The following ACTR3B variants were observed in gnomAD, a reference collection of about 807,000 sequenced individuals.
ACTR3B encodes the protein actin-related protein 3B.
ACTR3B carries 8 observed loss-of-function variants against 59.0 expected under a neutral mutation model. That is an observed-to-expected ratio of 0.14 (90% CI 0.08 to 0.24). The LOEUF (loss-of-function observed/expected upper bound fraction) is 0.24, where lower values mean the gene tolerates loss of function less well. Among genes scored for constraint, ACTR3B ranks in the 10% least tolerant of loss-of-function variants. The pLI is 1.00. For missense variants in ACTR3B, 245 were observed against 552.3 expected (o/e 0.44, Z 5.58); for synonymous variants, 148 against 197.9 (o/e 0.75, Z 2.12).
chr7:152,763,002 T>C (rs1000768555), intron 1 of ACTR3B, among the ~76,000 whole-genome samples: 13 of 152,318 alleles, frequency 8.5e-5, no homozygotes, highest in Admixed American at 3.9e-4. Context: ...ACTGTTCAGT[T>C]ACTATTTTTC....
intron 2 of ACTR3B, among the ~76,000 whole-genome samples, chr7:152,799,139 A>G (rs183637028): frequency 7.4e-4 from 112 of 152,346 alleles, no homozygotes; most frequent in African/African-American, 2.5e-3. Flanking sequence ...ACATTTGTAT[A>G]GCTACAGAGT....
chr7:152,848,786 G>T (rs1798566413), intron 9 of ACTR3B, among the ~76,000 whole-genome samples: 3 of 152,198 alleles, frequency 2.0e-5, no homozygotes, highest in Admixed American at 2.0e-4. Context: ...TCTGAAGGAA[G>T]CCAGGGATCA....
chr7:152,828,801 C>T (rs553226126), intron 9 of ACTR3B, among the ~76,000 whole-genome samples: 88 of 151,924 alleles, frequency 5.8e-4, no homozygotes, highest in Admixed American at 1.0e-3. Context: ...TTCACTGGTT[C>T]CACAGCCTCA....
intron 9 of ACTR3B, among the ~76,000 whole-genome samples, chr7:152,834,569 G>T (rs1388564264): frequency 6.6e-6 from 1 of 152,198 alleles, no homozygotes; most frequent in East Asian, 1.9e-4. Context: ...ACAGCATTAT[G>T]TTGTGAGCCC....
chr7:152,830,091 G>C (rs1045889857), intron 9 of ACTR3B, among the ~76,000 whole-genome samples: 1 of 152,260 alleles, frequency 6.6e-6, no homozygotes, highest in African/African-American at 2.4e-5. Context: ...AGAAGGGACA[G>C]ATTGCATTTA....
intron 2 of ACTR3B, among the ~76,000 whole-genome samples, chr7:152,790,315 T>C (rs1347137089): frequency 6.6e-6 from 1 of 152,208 alleles, no homozygotes; most frequent in African/African-American, 2.4e-5. Context: ...GTTACTTTAA[T>C]ACATTTTCGA....
At chr7:152,784,017 G>A (rs151073170) in intron 2 of ACTR3B, among the ~76,000 whole-genome samples, 5,282 of 152,090 alleles carry the variant, frequency 0.035, 154 homozygotes, top group East Asian at 0.12. Context: ...TTGAAGCTGG[G>A]GGGTGGAGGT....
At chr7:152,780,343 ACT>A (rs976855573) in intron 1 of ACTR3B, among the ~76,000 whole-genome samples, 24 of 73,658 alleles carry the variant, frequency 3.3e-4, no homozygotes, top group Non-Finnish European at 5.5e-5. Flanking sequence ...AAAGAGCGAA[ACT>A]CTGTCTCAAA....
At chr7:152,830,720 A>G (rs1184076560) in intron 9 of ACTR3B, among the ~76,000 whole-genome samples, 1 of 151,934 alleles carries the variant, frequency 6.6e-6, no homozygotes, top group Non-Finnish European at 1.5e-5. Flanking sequence ...AGCTAATTAA[A>G]AATTTTTTTT....
intron 1 of ACTR3B, among the ~76,000 whole-genome samples, chr7:152,781,491 G>A (rs2098153915): frequency 6.6e-6 from 1 of 152,108 alleles, no homozygotes. Context: ...CCTGTTCTGG[G>A]CAGCGTGTGG....
At chr7:152,773,794 A>G (rs1014631669) in intron 1 of ACTR3B, among the ~76,000 whole-genome samples, 1 of 152,326 alleles carries the variant, frequency 6.6e-6, no homozygotes, top group South Asian at 2.1e-4. Context: ...TTTGCTTTAC[A>G]CATTCCAGAA....
chr7:152,770,956 G>A (rs915442583), intron 1 of ACTR3B, among the ~76,000 whole-genome samples: 2 of 150,026 alleles, frequency 1.3e-5, no homozygotes, highest in Non-Finnish European at 3.0e-5. Context: ...TAATTAGAAT[G>A]GAATTTTATT....
At chr7:152,815,851 G>A (rs962017638) in intron 5 of ACTR3B, among the ~76,000 whole-genome samples, 7 of 152,094 alleles carry the variant, frequency 4.6e-5, no homozygotes, top group African/African-American at 1.4e-4. Context: ...GCCCCACGCC[G>A]GAAACCAATG....
rs572506773 is a variant in ACTR3B at position 152,819,386 on chromosome 7, C to T, written c.541-913C>T. Reference sequence around the variant, plus strand: ...GCACAGAAGCTGTGATGTGCTGTAACGTGAAACCTGAGTGTCTTTACCGGA... The same window carrying T: ...GCACAGAAGCTGTGATGTGCTGTAATGTGAAACCTGAGTGTCTTTACCGGA... On this transcript the variant is annotated intron_variant, in intron 6 of 11. Transcript: ENST00000256001. Among the ~76,000 whole-genome samples, 7 of 152,350 alleles carry T rather than the reference C, an allele frequency of 4.6e-5. No homozygotes were observed. In the East Asian group the frequency reaches 9.6e-4, roughly 21 times the overall value.
chr7:152,759,802 G>T lies in ACTR3B; in HGVS notation c.-81G>T. 9.2e-7 allele frequency: 1 copy of T among 1,087,408 alleles called. No individual in the cohort carries two copies. The highest frequency in any genetic ancestry group is 1.1e-6 in the Non-Finnish European group (1 of 881,376). 67.4% of individuals were successfully genotyped at this position (1,087,408 alleles called of 1,614,324 possible). A position where few individuals can be genotyped will look rare whatever the true frequency, so the allele number is the denominator to read the frequency against. ...CGGCGGCTCGCGGGAGACGCTGCGCGCGGGGCTAGCGGGCGGCGGAGCGGA... is the reference window on the plus strand; with the variant it reads ...CGGCGGCTCGCGGGAGACGCTGCGCTCGGGGCTAGCGGGCGGCGGAGCGGA... On this transcript the variant is annotated 5_prime_UTR_variant, in exon 1 of 12. Coordinates refer to ENST00000256001, the MANE Select transcript of ACTR3B (RefSeq NM_020445.6).
rs552668144 is a variant in ACTR3B, at chr7:152,830,223, A to G, written c.951+5101A>G. On this transcript the variant is annotated intron_variant, in intron 9 of 11. Transcript: ENST00000256001. ...GAGGGAAGATAATGAGCGCAGATAG[A>G]AGGAGAGTGGGCAGATGCCTGCGGT... Among the ~76,000 whole-genome samples the G allele has an allele frequency of 2.2e-4, 34 of 152,252 alleles. 1 individual carries two copies. Among genetic ancestry groups the G allele is most frequent in the African/African-American group, 7.9e-4 (33 of 41,560 alleles).
At chr7:152,853,614 C>T (rs200291305) in intron 11 of ACTR3B, 37 bp downstream of exon 11, 4 of 1,578,544 alleles carry the variant, frequency 2.5e-6, no homozygotes, top group East Asian at 2.3e-5. Context: ...GTCTCCATTC[C>T]TGTGCTCTCG....
chr7:152,766,833 C>T (rs1410470250), intron 1 of ACTR3B, among the ~76,000 whole-genome samples: 1 of 152,014 alleles, frequency 6.6e-6, no homozygotes, highest in Non-Finnish European at 1.5e-5. Flanking sequence ...GTTGCCCATG[C>T]TAGAGTGCGG....
intron 1 of ACTR3B, among the ~76,000 whole-genome samples, chr7:152,777,311 A>G (rs2098138368): frequency 6.6e-6 from 1 of 152,188 alleles, no homozygotes; most frequent in East Asian, 1.9e-4. Context: ...AATTGACCAG[A>G]AAACAAAAAA....
Sources: gnomAD v4.1 joint callset for allele counts (sites outside exome capture counted in the v4.1 genomes callset) on GRCh38, gnomAD v4.1.1 for gene constraint, MANE v1.5 for transcripts, NCBI Gene and HGNC (gene_info 2026-07-23, HGNC 2026-07-21) for gene names.